Variants in FOCAD observed in about 807,000 individuals in gnomAD.
FOCAD encodes the protein KIAA1797.
Under a neutral mutation model 225.6 loss-of-function variants are expected in FOCAD, and 198 were observed. The ratio of observed to expected loss-of-function variants is 0.88; its 90% confidence interval spans 0.78 to 0.99. The LOEUF (loss-of-function observed/expected upper bound fraction) is 0.99, where lower values mean the gene tolerates loss of function less well. Among genes scored for constraint, FOCAD ranks in the 50% least tolerant of loss-of-function variants. FOCAD has a pLI of 0.00. For missense variants in FOCAD, 2,713 were observed against 2,123.6 expected (o/e 1.28, Z -5.46); for synonymous variants, 897 against 755.0 (o/e 1.19, Z -3.08).
chr9:20,848,566 C>G (rs1459489513), intron 15 of FOCAD, among the ~76,000 whole-genome samples: 1 of 151,878 alleles, frequency 6.6e-6, no homozygotes, highest in African/African-American at 2.4e-5. Flanking sequence ...AGAGGGTAAG[C>G]TAAGGTCAGA....
intron 15 of FOCAD, among the ~76,000 whole-genome samples, chr9:20,831,250 C>T (rs1178751881): frequency 2.0e-5 from 3 of 152,004 alleles, no homozygotes; most frequent in Admixed American, 2.0e-4. Flanking sequence ...CAGCAGTGTT[C>T]AGGCCAGTTA....
chr9:20,686,680 T>G (rs1421841142), intron 1 of FOCAD, among the ~76,000 whole-genome samples: 1 of 152,120 alleles, frequency 6.6e-6, no homozygotes, highest in African/African-American at 2.4e-5. Context: ...TTTGATCAAG[T>G]GGGTAGTAAG....
rs550999582 is a variant in FOCAD, at chr9:20,667,064, C to A, written c.-78+8238C>A. On this transcript the variant is annotated intron_variant, in intron 2 of 45. Transcript: ENST00000380249. ...AGTCACTTTGTATTTTGGCAAATTTCACAGTTTCCTCCATTGTTCTCTGAA... is the reference window on the plus strand; with the variant it reads ...AGTCACTTTGTATTTTGGCAAATTTAACAGTTTCCTCCATTGTTCTCTGAA... Among the ~76,000 whole-genome samples, 845 of 152,298 alleles carry A rather than the reference C, an allele frequency of 5.5e-3. 8 individuals are homozygous for A. Among genetic ancestry groups the A allele is most frequent in the Middle Eastern group, 0.034 (10 of 294 alleles).
intron 35 of FOCAD, among the ~76,000 whole-genome samples, chr9:20,953,672 A>G (rs999085541): frequency 3.3e-5 from 5 of 152,222 alleles, no homozygotes; most frequent in African/African-American, 1.2e-4. Context: ...ATGCTCCTTA[A>G]TAATACACAT....
chr9:20,803,884 A>G (rs555848927), intron 11 of FOCAD, among the ~76,000 whole-genome samples: 3 of 152,240 alleles, frequency 2.0e-5, no homozygotes, highest in South Asian at 4.2e-4. Context: ...AGCAGCATCA[A>G]TTAAAGGTTG....
At chr9:20,832,032 T>C (rs929588282) in intron 15 of FOCAD, among the ~76,000 whole-genome samples, 2 of 152,124 alleles carry the variant, frequency 1.3e-5, no homozygotes, top group African/African-American at 4.8e-5. Context: ...CAATACTTTT[T>C]ATAGTGTCTT....
chr9:20,728,715 G>A (rs958137351), intron 4 of FOCAD, among the ~76,000 whole-genome samples: 1 of 152,180 alleles, frequency 6.6e-6, no homozygotes, highest in Admixed American at 6.5e-5. Context: ...CCCAAGAAAG[G>A]ACTTATTCCA....
intron 5 of FOCAD, among the ~76,000 whole-genome samples, chr9:20,757,007 G>A (rs981364864): frequency 3.9e-5 from 6 of 152,026 alleles, no homozygotes; most frequent in Admixed American, 1.3e-4. Flanking sequence ...TCAGTTCACC[G>A]CAACCTCCGC....
rs560517667 is a variant in FOCAD at position 20,781,128 on chromosome 9, ACT to A, written c.995-596_995-595del. Among the ~76,000 whole-genome samples the A allele has an allele frequency of 2.2e-4, 33 of 152,286 alleles. 1 individual carries two copies. Among genetic ancestry groups the A allele is most frequent in the Admixed American group, 1.3e-3 (20 of 15,298 alleles). On this transcript the variant is annotated intron_variant, in intron 9 of 43. Transcript: ENST00000338382. Reference sequence around the variant, plus strand: ...AACTCATTCAGTTAATAGTCTAGAGACTCTACATGTAAATCAGTTATTGTATA... The same window carrying A: ...AACTCATTCAGTTAATAGTCTAGAGACTACATGTAAATCAGTTATTGTATA...
intron 10 of FOCAD, among the ~76,000 whole-genome samples, chr9:20,785,540 A>G (rs1479097299): frequency 1.3e-5 from 2 of 152,098 alleles, no homozygotes; most frequent in Admixed American, 6.6e-5. Flanking sequence ...TTCACTTAGT[A>G]TAATGTTTTC....
At chr9:20,768,767 C>G (rs1381524905) in intron 7 of FOCAD, among the ~76,000 whole-genome samples, 2 of 152,106 alleles carry the variant, frequency 1.3e-5, no homozygotes, top group Non-Finnish European at 2.9e-5. Flanking sequence ...TCCAGTTGCT[C>G]TTTCATTTTA....
At chr9:20,851,116 A>G (rs1564070967) in intron 15 of FOCAD, among the ~76,000 whole-genome samples, 1 of 151,386 alleles carries the variant, frequency 6.6e-6, no homozygotes, top group African/African-American at 2.4e-5. Flanking sequence ...TGTCTTGTCT[A>G]TCTCTAGTGA....
At position 20,944,768 on chromosome 9, in the gene FOCAD, T is replaced by C. The variant is rs1837019881; in HGVS notation, c.3549T>C (p.Phe1183=). The change falls in exon 29 of 44, where the codon TTT becomes TTC. Residue 1183 remains phenylalanine (F), a synonymous_variant. Coordinates refer to ENST00000338382, the MANE Select transcript of FOCAD (RefSeq NM_001375567.1). The part of the protein sequence containing the change: ...VDDSGSQSRT[F]QEVLAYTLSC... ...ACAGCGGGAGCCAGAGCAGAACGTT[T>C]CAGGAGGTAAGAGATGGAGGCTACA... 6.2e-7 allele frequency: 1 copy of C among 1,611,682 alleles called. No homozygotes were observed. The highest frequency in any genetic ancestry group is 8.5e-7 in the Non-Finnish European group (1 of 1,178,410).
At chr9:20,824,936 C>T (rs1411556162) in intron 15 of FOCAD, among the ~76,000 whole-genome samples, 1 of 151,864 alleles carries the variant, frequency 6.6e-6, no homozygotes, top group Non-Finnish European at 1.5e-5. Context: ...GTGTTATATA[C>T]CAGTTTTCTT....
intron 15 of FOCAD, among the ~76,000 whole-genome samples, chr9:20,845,075 T>A (rs1826941518): frequency 6.6e-6 from 1 of 152,132 alleles, no homozygotes; most frequent in Admixed American, 6.6e-5. Flanking sequence ...GAGACTTCAG[T>A]GTCTGCTTCT....
intron 11 of FOCAD, among the ~76,000 whole-genome samples, chr9:20,818,575 G>A (rs890238302): frequency 2.6e-5 from 4 of 151,894 alleles, no homozygotes; most frequent in South Asian, 4.2e-4. Context: ...TGATTCTTTT[G>A]CATGTGGATA....
At chr9:20,671,996 T>C (rs80232275) in intron 2 of FOCAD, among the ~76,000 whole-genome samples, 2 of 151,982 alleles carry the variant, frequency 1.3e-5, no homozygotes, top group Non-Finnish European at 2.9e-5. Flanking sequence ...TTTTTTTTTT[T>C]CCTCCCTGGA....
chr9:20,735,072 C>A (rs986414785), intron 4 of FOCAD, among the ~76,000 whole-genome samples: 1 of 152,152 alleles, frequency 6.6e-6, no homozygotes, highest in African/African-American at 2.4e-5. Flanking sequence ...GCTTACTTCC[C>A]CCACCTACTC....
intron 15 of FOCAD, among the ~76,000 whole-genome samples, chr9:20,839,206 A>G (rs1826271410): frequency 6.7e-6 from 1 of 149,320 alleles, no homozygotes; most frequent in Non-Finnish European, 1.5e-5. Flanking sequence ...GTGGATTGTT[A>G]TAAGGTTTAT....
Sources: gnomAD v4.1 joint callset for allele counts (sites outside exome capture counted in the v4.1 genomes callset) on GRCh38, gnomAD v4.1.1 for gene constraint, MANE v1.5 for transcripts, NCBI Gene and HGNC (gene_info 2026-07-23, HGNC 2026-07-21) for gene names.